The following ADAMTS6 variants were observed in gnomAD, a reference collection of about 807,000 sequenced individuals.
The protein encoded by ADAMTS6 is ADAM metallopeptidase with thrombospondin type 1 motif 6, also known as A disintegrin and metalloproteinase with thrombospondin motifs 6.
Under a neutral mutation model 144.3 loss-of-function variants are expected in ADAMTS6, and 23 were observed. That is an observed-to-expected ratio of 0.16 (90% confidence interval 0.11 to 0.23). The LOEUF is 0.23. ADAMTS6 is among the 10% of genes least tolerant of loss of function. The pLI, the probability that ADAMTS6 is intolerant of heterozygous loss-of-function variation, is 1.00. For missense variants in ADAMTS6, 999 were observed against 1,379.6 expected (o/e 0.72, Z 4.37); for synonymous variants, 444 against 457.5 (o/e 0.97, Z 0.38).
chr5:65,273,130 T>C (rs1212074793), intron 12 of ADAMTS6, among the ~76,000 whole-genome samples: 1 of 152,200 alleles, frequency 6.6e-6, no homozygotes, highest in Non-Finnish European at 1.5e-5. Flanking sequence ...AAGGTGAAAC[T>C]GACCTAAAAT....
chr5:65,336,478 C>T (rs770639415), intron 7 of ADAMTS6, among the ~76,000 whole-genome samples: 4 of 152,040 alleles, frequency 2.6e-5, no homozygotes, highest in Non-Finnish European at 4.4e-5. Context: ...AAAAACCCCA[C>T]AAGCTTTGCA....
chr5:65,264,708 T>C (rs1761472528), intron 12 of ADAMTS6, among the ~76,000 whole-genome samples: 1 of 152,054 alleles, frequency 6.6e-6, no homozygotes, highest in Admixed American at 6.5e-5. Context: ...TCAGACCCAC[T>C]AGCCACAGGT....
At chr5:65,338,612 C>T (rs913851242) in intron 7 of ADAMTS6, among the ~76,000 whole-genome samples, 2 of 152,138 alleles carry the variant, frequency 1.3e-5, no homozygotes, top group Non-Finnish European at 2.9e-5. Context: ...TGAGAAGCAG[C>T]CCCATGGGCT....
At chr5:65,448,828 AC>A (rs1412917709) in intron 7 of ADAMTS6, among the ~76,000 whole-genome samples, 1 of 152,118 alleles carries the variant, frequency 6.6e-6, no homozygotes, top group Non-Finnish European at 1.5e-5. Context: ...TCATGATCTT[AC>A]CCATAAACAG....
intron 11 of ADAMTS6, among the ~76,000 whole-genome samples, chr5:65,274,259 G>A (rs1762279752): frequency 6.6e-6 from 1 of 151,668 alleles, no homozygotes; most frequent in African/African-American, 2.4e-5. Context: ...CTACATAAAG[G>A]GTTTCAACCG....
intron 9 of ADAMTS6, among the ~76,000 whole-genome samples, chr5:65,313,340 TTGTTTTAGCTA>T (rs1390610522): frequency 6.6e-6 from 1 of 152,154 alleles, no homozygotes; most frequent in African/African-American, 2.4e-5. Context: ...CTTTACGTTA[TTGTTTTAGCTA>T]TGTTTTAGCT....
intron 9 of ADAMTS6, among the ~76,000 whole-genome samples, chr5:65,317,917 C>CA (rs1025078429): frequency 2.7e-5 from 4 of 150,836 alleles, no homozygotes; most frequent in Non-Finnish European, 5.9e-5. Context: ...ACTAAAAATA[C>CA]AAAAAAAATT....
At chr5:65,351,807 C>CA (rs201374753) in intron 7 of ADAMTS6, among the ~76,000 whole-genome samples, 4,377 of 142,808 alleles carry the variant, frequency 0.031, 81 homozygotes, top group African/African-American at 0.047. Flanking sequence ...TCTTAAAAAA[C>CA]AAAAAAAAAA....
chr5:65,287,886 A>C (rs1741836385), intron 11 of ADAMTS6, among the ~76,000 whole-genome samples: 1 of 152,210 alleles, frequency 6.6e-6, no homozygotes, highest in Non-Finnish European at 1.5e-5. Context: ...AAGTCACTAC[A>C]TAAATACCAG....
At chr5:65,171,936 T>C (rs1376591186) in intron 23 of ADAMTS6, among the ~76,000 whole-genome samples, 1 of 151,734 alleles carries the variant, frequency 6.6e-6, no homozygotes, top group Non-Finnish European at 1.5e-5. Context: ...TCTATGGGCC[T>C]GCCATCGAGA....
intron 22 of ADAMTS6, among the ~76,000 whole-genome samples, chr5:65,187,210 G>A (rs1172762072): frequency 6.6e-6 from 1 of 152,150 alleles, no homozygotes; most frequent in African/African-American, 2.4e-5. Context: ...CCTTCTTTGG[G>A]AGATGTGGAA....
At chr5:65,429,520 T>A (rs1398419283) in intron 7 of ADAMTS6, among the ~76,000 whole-genome samples, 1 of 152,096 alleles carries the variant, frequency 6.6e-6, no homozygotes, top group Non-Finnish European at 1.5e-5. Flanking sequence ...AAAAAATAAA[T>A]AAAAATTTTA....
intron 11 of ADAMTS6, among the ~76,000 whole-genome samples, chr5:65,274,119 T>A (rs1429401788): frequency 1.3e-5 from 2 of 152,184 alleles, no homozygotes; most frequent in Admixed American, 1.3e-4. Flanking sequence ...TCCTTTCCTA[T>A]GATTTTCCAT....
intron 14 of ADAMTS6, among the ~76,000 whole-genome samples, chr5:65,245,613 T>C (rs986623259): frequency 1.1e-4 from 17 of 152,128 alleles, no homozygotes; most frequent in East Asian, 3.9e-4. Context: ...ACAACAGTTA[T>C]CATCATCATC....
At chr5:65,248,243 C>G (rs1759808140) in intron 14 of ADAMTS6, among the ~76,000 whole-genome samples, 1 of 152,126 alleles carries the variant, frequency 6.6e-6, no homozygotes, top group African/African-American at 2.4e-5. Context: ...ATCTCAACCT[C>G]AGTTTTTATT....
At chr5:65,413,963 A>T (rs779252417) in intron 7 of ADAMTS6, among the ~76,000 whole-genome samples, 24 of 152,300 alleles carry the variant, frequency 1.6e-4, no homozygotes, top group Non-Finnish European at 2.8e-4. Context: ...GAATATGTTA[A>T]ACTGAACGAA....
At chr5:65,231,870 G>C (rs1015469557) in intron 15 of ADAMTS6, among the ~76,000 whole-genome samples, 2 of 152,150 alleles carry the variant, frequency 1.3e-5, no homozygotes, top group African/African-American at 4.8e-5. Flanking sequence ...ACCACTTTGG[G>C]AGGCTGAGGT....
At chr5:65,443,229 AAC>A (rs1758002658) in intron 7 of ADAMTS6, among the ~76,000 whole-genome samples, 2 of 152,178 alleles carry the variant, frequency 1.3e-5, no homozygotes, top group African/African-American at 2.4e-5. Flanking sequence ...TTGAAATAGA[AAC>A]AGTTTTACAC....
rs1752102017 is a variant in ADAMTS6, at chr5:65,150,707, C to A, written c.*1129G>T. 1 of 152,660 alleles carries A rather than the reference C, an allele frequency of 6.6e-6. No homozygotes were observed. The highest frequency in any genetic ancestry group is 2.4e-5 in the African/African-American group (1 of 41,466). The allele number at this position is 152,660 out of a possible 1,614,324, so 9.5% of individuals were successfully genotyped here. On this transcript the variant is annotated 3_prime_UTR_variant, in exon 25 of 25. Coordinates refer to ENST00000381055, the MANE Select transcript of ADAMTS6 (RefSeq NM_197941.4). ...ACACTTAAAAGCGCCCGCAAACACA[C>A]ACACACATTTGCTCTCATATAAATA...
Sources: allele counts gnomAD v4.1 joint callset (sites outside exome capture counted in the v4.1 genomes callset), GRCh38; gene constraint gnomAD v4.1.1; transcripts MANE v1.5; gene names NCBI Gene and HGNC (gene_info 2026-07-23, HGNC 2026-07-21).